Variants in COLEC12 observed in about 807,000 individuals in gnomAD.
COLEC12 encodes the protein collectin-12.
A neutral mutation model predicts 71.1 loss-of-function variants in COLEC12; 33 were observed. That is an observed-to-expected ratio of 0.46 (90% CI 0.35 to 0.62). COLEC12 has a LOEUF of 0.62. Ranked by LOEUF, COLEC12 falls within the 20% of genes least tolerant of loss-of-function variation. The pLI, the probability that COLEC12 is intolerant of heterozygous loss-of-function variation, is 0.00. For synonymous variants in COLEC12, 350 were observed against 353.0 expected, an observed-to-expected ratio of 0.99 and a Z score of 0.10; for missense variants, 765 against 916.1, an observed-to-expected ratio of 0.84 and a Z score of 2.13.
intron 2 of COLEC12, among the ~76,000 whole-genome samples, chr18:384,971 C>T (rs4542729): frequency 2.6e-5 from 4 of 151,954 alleles, no homozygotes; most frequent in South Asian, 2.1e-4. Context: ...AGCAATAAAA[C>T]GCAATCACAG....
intron 2 of COLEC12, among the ~76,000 whole-genome samples, chr18:455,653 C>T (rs750454432): frequency 1.3e-5 from 2 of 151,720 alleles, no homozygotes; most frequent in African/African-American, 2.4e-5. Flanking sequence ...CTTTGCCCCC[C>T]CCTCCCCTGA....
At chr18:373,649 C>T (rs1186036156) in intron 2 of COLEC12, among the ~76,000 whole-genome samples, 2 of 152,086 alleles carry the variant, frequency 1.3e-5, no homozygotes, top group African/African-American at 4.8e-5. Context: ...GCTAAGAATC[C>T]CCGTAAGGGC....
chr18:340,089 A>AAAAAAAAAAAAAAAG (rs1468587787), intron 5 of COLEC12, among the ~76,000 whole-genome samples: 1 of 151,454 alleles, frequency 6.6e-6, no homozygotes. Context: ...AAAAAAAAAA[A>AAAAAAAAAAAAAAAG]AACAAAAAGA....
In COLEC12 at chr18:408,469, C is replaced by T. The variant is rs931646684; in HGVS notation, c.59-50947G>A. Among the ~76,000 whole-genome samples, 1 of 151,904 alleles carries T rather than the reference C, an allele frequency of 6.6e-6. No homozygotes were observed. The highest frequency in any genetic ancestry group is 1.5e-5 in the Non-Finnish European group (1 of 67,996). The stretch of plus-strand genomic sequence containing the variant: ...TTTTCAATCATGATAACAAAAACTC[C>T]TGTGGTTCATAAACAGAAAAAAAAA... On this transcript the variant is annotated intron_variant, in intron 2 of 9. Transcript: ENST00000400256. This position sits in a 1 kb window ranked among gnomAD's most constrained non-coding sequence, Gnocchi z 4.3.
intron 2 of COLEC12, among the ~76,000 whole-genome samples, chr18:372,130 G>A (rs1260673474): frequency 6.6e-6 from 1 of 152,050 alleles, no homozygotes; most frequent in Non-Finnish European, 1.5e-5. Flanking sequence ...CCCCATTCAG[G>A]GACACTACGT....
Position 450,775 on chromosome 18 carries a change from G to A in COLEC12, c.58+29932C>T, listed in dbSNP as rs1916745566. Among the ~76,000 whole-genome samples the A allele has an allele frequency of 2.0e-5, 3 of 152,324 alleles. No homozygotes were observed. In the South Asian group the frequency reaches 6.2e-4, roughly 32 times the overall value. ...TGGAGGGCTCAGAAGAAGACAGCAA[G>A]ATGAAGGACAATTTGGAACTTCCTA... On this transcript the variant is annotated intron_variant, in intron 2 of 9. Coordinates refer to ENST00000400256, the MANE Select transcript of COLEC12 (RefSeq NM_130386.3).
chr18:331,251 G>T (rs1913973059), intron 8 of COLEC12, among the ~76,000 whole-genome samples: 1 of 152,164 alleles, frequency 6.6e-6, no homozygotes, highest in Non-Finnish European at 1.5e-5. Flanking sequence ...TAGGGGTCAG[G>T]GGCACCCACA....
At chr18:443,945 C>A (rs1011296875) in intron 2 of COLEC12, among the ~76,000 whole-genome samples, 3 of 152,150 alleles carry the variant, frequency 2.0e-5, no homozygotes, top group Non-Finnish European at 4.4e-5. Context: ...CACCATATGA[C>A]GTGCCTACTC....
At chr18:406,848 G>A (rs1915801212) in intron 2 of COLEC12, among the ~76,000 whole-genome samples, 1 of 152,246 alleles carries the variant, frequency 6.6e-6, no homozygotes, top group South Asian at 2.1e-4. Flanking sequence ...CAGGTCCTAA[G>A]CTCAGCTTTG....
intron 2 of COLEC12, among the ~76,000 whole-genome samples, chr18:397,651 T>C (rs1234988306): frequency 6.6e-6 from 1 of 152,230 alleles, no homozygotes; most frequent in Non-Finnish European, 1.5e-5. Context: ...GCCTGTGTTA[T>C]TAGTCTATCT....
At chr18:360,381 C>T (rs1412342809) in intron 2 of COLEC12, among the ~76,000 whole-genome samples, 1 of 152,026 alleles carries the variant, frequency 6.6e-6, no homozygotes, top group African/African-American at 2.4e-5. Flanking sequence ...CGGGGTTTCA[C>T]CATGTTGGCC....
intron 3 of COLEC12, among the ~76,000 whole-genome samples, chr18:350,599 G>A (rs1466388080): frequency 6.6e-6 from 1 of 152,010 alleles, no homozygotes; most frequent in Non-Finnish European, 1.5e-5. Flanking sequence ...TTGGGATCAA[G>A]TCTGACTGTC....
rs900913580 is a variant in COLEC12, at chr18:399,277, T to C, written c.59-41755A>G. 6.6e-6 allele frequency among the ~76,000 whole-genome samples: 1 copy of C among 152,240 alleles called. No homozygotes were observed. The highest frequency in any genetic ancestry group is 1.5e-5 in the Non-Finnish European group (1 of 68,040). ...GCTATTGATGGAATGAACTTCAGACTACTGGAATGGGCACCACCAGCACCA... is the reference window on the plus strand; with the variant it reads ...GCTATTGATGGAATGAACTTCAGACCACTGGAATGGGCACCACCAGCACCA... On this transcript the variant is annotated intron_variant, in intron 2 of 9. Transcript: ENST00000400256. This position sits in a 1 kb window ranked among gnomAD's most constrained non-coding sequence, Gnocchi z 4.0.
At position 363,094 on chromosome 18, in the gene COLEC12, G is replaced by A. The variant is rs554520474; in HGVS notation, c.59-5572C>T. Among the ~76,000 whole-genome samples the A allele has an allele frequency of 1.3e-3, 196 of 152,158 alleles. 1 individual carries two copies. Among genetic ancestry groups the A allele is most frequent in the African/African-American group, 4.1e-3 (171 of 41,500 alleles). On this transcript the variant is annotated intron_variant, in intron 2 of 9. Transcript: ENST00000400256. The stretch of plus-strand genomic sequence containing the variant: ...TGCTGGTTGGGGGAATAATTGAAAC[G>A]CTCCAGGAATGACAGTGCAAAGGGC...
intron 2 of COLEC12, among the ~76,000 whole-genome samples, chr18:397,402 G>A (rs548523226): frequency 1.6e-4 from 25 of 152,260 alleles, no homozygotes; most frequent in Middle Eastern, 3.4e-3. Context: ...AGTCCAAGGC[G>A]CAAAATATAC....
At chr18:489,387 G>A (rs914539999) in intron 1 of COLEC12, among the ~76,000 whole-genome samples, 2 of 152,116 alleles carry the variant, frequency 1.3e-5, no homozygotes, top group Admixed American at 6.6e-5. Flanking sequence ...AGAATGCACT[G>A]CACTAAAATA....
At chr18:361,561 C>A (rs1226619745) in intron 2 of COLEC12, among the ~76,000 whole-genome samples, 3 of 152,234 alleles carry the variant, frequency 2.0e-5, no homozygotes, top group African/African-American at 7.2e-5. Context: ...CACACACCCA[C>A]ACTCTCCCCA....
At chr18:378,759 G>A (rs1915168213) in intron 2 of COLEC12, among the ~76,000 whole-genome samples, 1 of 152,166 alleles carries the variant, frequency 6.6e-6, no homozygotes, top group Admixed American at 6.5e-5. Flanking sequence ...TCTACATGGT[G>A]TACTTCTTCC....
In COLEC12 at chr18:347,156, T is replaced by G; in HGVS notation, c.466A>C (p.Thr156Pro). ...ATGAGGAAAGAGTTATTCTCCAAAG[T>G]TTCTTTCAATTGACTCTGCCTGTCC... is the stretch of plus-strand genomic sequence containing the variant. ...LVDRQSQLKE[T>P]LENNSFLITT... The change falls in exon 5 of 10, where the codon ACT becomes CCT. Residue 156 changes from threonine to proline, a missense_variant. Physicochemically the swap from Thr to Pro is conservative, Grantham distance 38. Transcript: ENST00000400256. 6.2e-7 allele frequency: 1 copy of G among 1,614,210 alleles called. No individual in the cohort carries two copies. The highest frequency in any genetic ancestry group is 8.5e-7 in the Non-Finnish European group (1 of 1,180,024).
Sources: allele counts gnomAD v4.1 joint callset (sites outside exome capture counted in the v4.1 genomes callset), GRCh38; gene constraint gnomAD v4.1.1; non-coding constraint Gnocchi (gnomAD v3.1); transcripts MANE v1.5; gene names NCBI Gene and HGNC (gene_info 2026-07-23, HGNC 2026-07-21).